NIPAL3: variants seen among roughly 807,000 people sequenced by gnomAD.
The protein encoded by NIPAL3 is NIPA like domain containing 3.
In NIPAL3, 41 loss-of-function variants were observed where a neutral mutation model predicts 47.2. That is an observed-to-expected ratio of 0.87 (90% confidence interval 0.68 to 1.13). The LOEUF is 1.13. Ranked by LOEUF, NIPAL3 falls within the 50% of genes most tolerant of loss-of-function variation. The pLI, the probability that NIPAL3 is intolerant of heterozygous loss-of-function variation, is 0.00. For synonymous variants in NIPAL3, 194 were observed against 209.6 expected, an observed-to-expected ratio of 0.93 and a Z score of 0.64; for missense variants, 449 against 530.1, an observed-to-expected ratio of 0.85 and a Z score of 1.50.
intron 2 of NIPAL3, among the ~76,000 whole-genome samples, chr1:24,434,714 T>C (rs1034914269): frequency 6.6e-6 from 1 of 152,204 alleles, no homozygotes; most frequent in Non-Finnish European, 1.5e-5. Context: ...ATTTAAAATA[T>C]TGAAATTATA....
Position 24,449,173 on chromosome 1 carries a change from C to T in NIPAL3, c.395-308C>T, listed in dbSNP as rs1025201451. On this transcript the variant is annotated intron_variant, in intron 5 of 11. Transcript: ENST00000374399. The surrounding 1 kb of genome is among the most constrained non-coding windows in gnomAD (Gnocchi z 4.5). ...TTTCACAAATGAGAAATTTCAGTAT[C>T]TGGCTAATGTTCTCTTTCTCCATCT... Among the ~76,000 whole-genome samples, 6 of 152,252 alleles carry T rather than the reference C, an allele frequency of 3.9e-5. No individual in the cohort carries two copies. The highest frequency in any genetic ancestry group is 1.4e-4 in the African/African-American group (6 of 41,468).
intron 3 of NIPAL3, among the ~76,000 whole-genome samples, chr1:24,440,502 G>C (rs1645329385): frequency 6.6e-6 from 1 of 152,128 alleles, no homozygotes; most frequent in Non-Finnish European, 1.5e-5. Flanking sequence ...CTCTGGCTCT[G>C]GTCTCATCCC....
chr1:24,462,119 G>A (rs1030428417), intron 10 of NIPAL3, among the ~76,000 whole-genome samples: 1 of 152,178 alleles, frequency 6.6e-6, no homozygotes, highest in Non-Finnish European at 1.5e-5. Context: ...GCAGGAAGGA[G>A]AGAAGTGCCA....
rs1198545557 is a variant in NIPAL3, at chr1:24,472,870, ATATTT to A, written c.*3687_*3691del. ...TAGAATATATTCTGTGCGGATGCTT[ATATTT>A]TGTTAACTTCACGACTTATGGCATG... On this transcript the variant is annotated 3_prime_UTR_variant, in exon 12 of 12. Transcript: ENST00000374399. 2 of 152,042 alleles carry A rather than the reference ATATTT, an allele frequency of 1.3e-5. No individual in the cohort carries two copies. The highest frequency in any genetic ancestry group is 2.9e-5 in the Non-Finnish European group (2 of 68,012). 9.4% of individuals were successfully genotyped at this position (152,042 alleles called of 1,614,324 possible). A position where few individuals can be genotyped will look rare whatever the true frequency, so the allele number is the denominator to read the frequency against.
chr1:24,419,285 C>T lies in NIPAL3; in HGVS notation c.-257-6C>T, dbSNP rs1279509739. ...GCATTTTTAATGTTCCTCTCCACCA[C>T]CCTAGAGCACCGCAAGAACTGGAAA... On this transcript the variant is annotated splice_region_variant and splice_polypyrimidine_tract_variant and intron_variant, in intron 1 of 11. Transcript: ENST00000374399. 2 of 1,180,728 alleles carry T rather than the reference C, an allele frequency of 1.7e-6. No homozygotes were observed. The highest frequency in any genetic ancestry group is 1.0e-6 in the Non-Finnish European group (1 of 954,324). 73.1% of individuals were successfully genotyped at this position (1,180,728 alleles called of 1,614,324 possible).
At chr1:24,423,501 G>C (rs1305879222) in intron 2 of NIPAL3, among the ~76,000 whole-genome samples, 1 of 152,162 alleles carries the variant, frequency 6.6e-6, no homozygotes, top group African/African-American at 2.4e-5. Flanking sequence ...GCGGTGGCGG[G>C]TGCCTATAGT....
intron 8 of NIPAL3, 131 bp from the exon 9 acceptor site, chr1:24,458,757 G>C: frequency 1.5e-6 from 1 of 686,252 alleles, no homozygotes; most frequent in Non-Finnish European, 2.7e-6. Flanking sequence ...CATGAGGGTG[G>C]CATTTTTAGA....
chr1:24,437,206 T>G (rs1441990033), intron 2 of NIPAL3, among the ~76,000 whole-genome samples: 1 of 152,034 alleles, frequency 6.6e-6, no homozygotes, highest in East Asian at 1.9e-4. Flanking sequence ...GAGCCGAGAT[T>G]GCGCCACTGC....
chr1:24,443,863 T>A (rs1645519978), intron 4 of NIPAL3, among the ~76,000 whole-genome samples: 7 of 152,216 alleles, frequency 4.6e-5, no homozygotes, highest in Admixed American at 4.6e-4. Flanking sequence ...AGCCCCTGTA[T>A]GTGATCATAC....
chr1:24,462,564 C>T (rs1267389592), intron 10 of NIPAL3, among the ~76,000 whole-genome samples: 4 of 151,896 alleles, frequency 2.6e-5, no homozygotes, highest in African/African-American at 9.7e-5. Context: ...GTCAGGAGTT[C>T]GAGACCAGCC....
chr1:24,450,094 C>T (rs1226014339), intron 6 of NIPAL3, among the ~76,000 whole-genome samples: 3 of 152,120 alleles, frequency 2.0e-5, no homozygotes, highest in Non-Finnish European at 4.4e-5. Flanking sequence ...ACAATGAGAA[C>T]GAATGAACTG....
At chr1:24,423,244 G>A (rs141046610) in intron 2 of NIPAL3, among the ~76,000 whole-genome samples, 169 of 152,360 alleles carry the variant, frequency 1.1e-3, no homozygotes, top group African/African-American at 3.8e-3. Flanking sequence ...CATTTCTAAT[G>A]TAATGATAGA....
chr1:24,425,769 G>T (rs766376343), intron 2 of NIPAL3, among the ~76,000 whole-genome samples: 3 of 152,052 alleles, frequency 2.0e-5, no homozygotes, highest in Non-Finnish European at 2.9e-5. Flanking sequence ...CATCCTATAG[G>T]GTAGTTATGA....
chr1:24,417,317 G>T (rs1161456547), intron 1 of NIPAL3, among the ~76,000 whole-genome samples: 1 of 152,164 alleles, frequency 6.6e-6, no homozygotes, highest in Non-Finnish European at 1.5e-5. Flanking sequence ...TGGAGTTTGC[G>T]CTCCTCAACT....
chr1:24,419,769 A>G, intron 2 of NIPAL3, 129 bp downstream of exon 2: 1 of 799,924 alleles, frequency 1.3e-6, no homozygotes, highest in Non-Finnish European at 2.0e-6. Context: ...CAGGCTCTTC[A>G]CACAGACAAG....
At position 24,419,611 on chromosome 1, in the gene NIPAL3, G is replaced by A. The variant is rs1308658073; in HGVS notation, c.64G>A (p.Ala22Thr). 6.8e-6 allele frequency: 11 copies of A among 1,613,962 alleles called. No individual in the cohort carries two copies. The highest frequency in any genetic ancestry group is 2.2e-5 in the South Asian group (2 of 91,056). Reference sequence around the variant, plus strand: ...GCTGCCTCCCACAAGTAGCTCCAGCGCCGTAAGCGAGGCCTCCTTCTCCTA... The same window carrying A: ...GCTGCCTCCCACAAGTAGCTCCAGCACCGTAAGCGAGGCCTCCTTCTCCTA... The part of the protein sequence containing the change: ...QQLPPTSSSS[A>T]VSEASFSYKE... The change falls in exon 2 of 12, where the codon GCC becomes ACC. Residue 22 changes from alanine to threonine, a missense_variant. Physicochemically the swap from Ala to Thr is moderately conservative, Grantham distance 58. Transcript: ENST00000374399.
intron 8 of NIPAL3, chr1:24,457,630 G>A (rs538076728): frequency 6.8e-5 from 29 of 429,446 alleles, no homozygotes; most frequent in Admixed American, 2.6e-4. Flanking sequence ...GAACTGATGC[G>A]GAGAGAGTAA....
chr1:24,453,464 C>T lies in NIPAL3; in HGVS notation c.597C>T (p.Ala199=). The change falls in exon 7 of 12, where the codon GCC becomes GCT. Residue 199 remains alanine (A), a synonymous_variant. Coordinates refer to ENST00000374399, the MANE Select transcript of NIPAL3 (RefSeq NM_020448.5). ...TCTACTTCTACAAGGAGAAGAACGC[C>T]AACAACATTGTCGTGATTCTTCTCT... is the stretch of plus-strand genomic sequence containing the variant. ...LLLYFYKEKN[A]NNIVVILLLV... 1.2e-6 allele frequency: 2 copies of T among 1,613,544 alleles called. No individual in the cohort carries two copies. The highest frequency in any genetic ancestry group is 1.7e-6 in the Non-Finnish European group (2 of 1,179,766).
intron 4 of NIPAL3, among the ~76,000 whole-genome samples, 176 bp from the exon 5 acceptor site, chr1:24,445,009 C>T (rs1645588569): frequency 6.6e-6 from 1 of 152,188 alleles, no homozygotes; most frequent in Non-Finnish European, 1.5e-5. Context: ...AGGCTCCTCT[C>T]TGAGCCTCCC....
Sources: allele counts gnomAD v4.1 joint callset (sites outside exome capture counted in the v4.1 genomes callset), GRCh38; gene constraint gnomAD v4.1.1; non-coding constraint Gnocchi (gnomAD v3.1); transcripts MANE v1.5; gene names NCBI Gene and HGNC (gene_info 2026-07-23, HGNC 2026-07-21).